Variants in RGS6 observed in about 807,000 individuals in gnomAD.
RGS6 encodes the protein regulator of G protein signaling 6.
In RGS6, 30 loss-of-function variants were observed where a neutral mutation model predicts 78.5. That is an observed-to-expected ratio of 0.38 (90% CI 0.29 to 0.52). The LOEUF (loss-of-function observed/expected upper bound fraction) is 0.52. RGS6 is among the 20% of genes least tolerant of loss of function. The probability of loss-of-function intolerance (pLI) is 0.85; values close to 1 mark genes in which losing one functional copy is unlikely to be tolerated. For synonymous variants in RGS6, 206 were observed against 206.0 expected (o/e 1.00, Z 0.00); for missense variants, 495 against 609.7 (o/e 0.81, Z 1.98).
chr14:71,870,774 C>G, the RGS6 span, among the ~76,000 whole-genome samples: 1 of 152,198 alleles, frequency 6.6e-6, no homozygotes, highest in Non-Finnish European at 1.5e-5. Context: ...GGGCAGCTGC[C>G]AGGGTCTTTT....
At chr14:72,199,551 T>C (rs2041000995) in intron 2 of RGS6, among the ~76,000 whole-genome samples, 1 of 152,228 alleles carries the variant, frequency 6.6e-6, no homozygotes, top group Non-Finnish European at 1.5e-5. Context: ...GAGAAGTTAT[T>C]GGCATGAGAG....
chr14:72,534,630 C>G (rs1219852226), intron 15 of RGS6, among the ~76,000 whole-genome samples: 1 of 152,238 alleles, frequency 6.6e-6, no homozygotes, highest in Non-Finnish European at 1.5e-5. Flanking sequence ...GACTCCATAT[C>G]TTGGCTACTG....
At chr14:72,079,109 A>G (rs1053531553) in intron 2 of RGS6, among the ~76,000 whole-genome samples, 2 of 152,054 alleles carry the variant, frequency 1.3e-5, no homozygotes, top group Non-Finnish European at 2.9e-5. Context: ...AGTGTTTACT[A>G]CTGCATCCAA....
chr14:72,517,204 G>C lies in RGS6; in HGVS notation c.1092-1147G>C, dbSNP rs566262098. Among the ~76,000 whole-genome samples the C allele has an allele frequency of 9.2e-5, 14 of 151,660 alleles. No homozygotes were observed. The South Asian group carries it at 2.9e-3, about 32-fold the overall frequency. On this transcript the variant is annotated intron_variant, in intron 14 of 17. Transcript: ENST00000553525. The stretch of plus-strand genomic sequence containing the variant: ...AATTTGATGACAGATTGAATGCACT[G>C]TCTGCACTTTCCACCACGTCATGTT...
At chr14:72,360,436 G>A (rs2081226701) in intron 3 of RGS6, among the ~76,000 whole-genome samples, 1 of 151,818 alleles carries the variant, frequency 6.6e-6, no homozygotes, top group African/African-American at 2.4e-5. Context: ...GCAGGAGAAT[G>A]GCATGAACCC....
At chr14:71,905,397 CA>C in the RGS6 span, among the ~76,000 whole-genome samples, 1 of 152,150 alleles carries the variant, frequency 6.6e-6, no homozygotes. Context: ...TTGAAAGGGA[CA>C]TAGAATTACT....
chr14:72,005,142 C>T (rs1006522183), intron 2 of RGS6, among the ~76,000 whole-genome samples: 8 of 152,112 alleles, frequency 5.3e-5, no homozygotes, highest in Non-Finnish European at 1.0e-4. Flanking sequence ...CTGGTACATA[C>T]CTATGTACTT....
chr14:72,343,338 A>G (rs146327394), intron 2 of RGS6, among the ~76,000 whole-genome samples: 4 of 152,290 alleles, frequency 2.6e-5, no homozygotes, highest in African/African-American at 9.6e-5. Context: ...TTTCAAAATC[A>G]GTAAAGTCCC....
At chr14:72,380,064 G>GCAAAA (rs61127629) in intron 3 of RGS6, among the ~76,000 whole-genome samples, 79,939 of 149,440 alleles carry the variant, frequency 0.53, 22,016 homozygotes, top group African/African-American at 0.7. Flanking sequence ...ACTCACTGAG[G>GCAAAA]CAAAACAAAA....
intron 15 of RGS6, 52 bp downstream of exon 15, chr14:72,518,589 A>G: frequency 6.5e-7 from 1 of 1,532,314 alleles, no homozygotes; most frequent in Non-Finnish European, 9.0e-7. Context: ...TGTCCCCTTC[A>G]TTGCCTGACC....
intron 1 of RGS6, among the ~76,000 whole-genome samples, chr14:71,944,055 G>A (rs1287521189): frequency 6.6e-6 from 1 of 152,082 alleles, no homozygotes; most frequent in Non-Finnish European, 1.5e-5. Context: ...ATTCCATTGG[G>A]CTTTGGTCGG....
At chr14:71,885,408 G>A in the RGS6 span, among the ~76,000 whole-genome samples, 2 of 152,160 alleles carry the variant, frequency 1.3e-5, no homozygotes, top group Non-Finnish European at 2.9e-5. Context: ...CCTGAGCTGG[G>A]CAGTATTACA....
At chr14:72,003,441 A>G (rs1295297844) in intron 2 of RGS6, among the ~76,000 whole-genome samples, 1 of 152,208 alleles carries the variant, frequency 6.6e-6, no homozygotes, top group East Asian at 1.9e-4. Context: ...ACCTATTTCC[A>G]AAACTTTTTC....
At chr14:72,625,349 G>A in the RGS6 span, among the ~76,000 whole-genome samples, 2 of 150,940 alleles carry the variant, frequency 1.3e-5, no homozygotes, top group African/African-American at 4.9e-5. Context: ...TTATTTTTTT[G>A]CTCAAGTTTT....
At chr14:72,106,276 C>T (rs1341580852) in intron 2 of RGS6, among the ~76,000 whole-genome samples, 1 of 152,120 alleles carries the variant, frequency 6.6e-6, no homozygotes, top group East Asian at 1.9e-4. Flanking sequence ...TAGTTTAATG[C>T]AAAGATTCCC....
At chr14:72,557,230 A>AAG (rs1567129075) in intron 17 of RGS6, among the ~76,000 whole-genome samples, 1 of 152,136 alleles carries the variant, frequency 6.6e-6, no homozygotes, top group East Asian at 1.9e-4. Flanking sequence ...GAGAATTTAA[A>AAG]AAGTGTTTTG....
At chr14:71,980,720 G>T (rs1261726377) in intron 2 of RGS6, among the ~76,000 whole-genome samples, 1 of 80,156 alleles carries the variant, frequency 1.2e-5, no homozygotes, top group Non-Finnish European at 2.5e-5. Flanking sequence ...CAACTTTGGT[G>T]AATCTGACAA....
intron 2 of RGS6, among the ~76,000 whole-genome samples, chr14:72,257,018 T>C (rs1358287088): frequency 6.6e-6 from 1 of 152,212 alleles, no homozygotes; most frequent in Non-Finnish European, 1.5e-5. Context: ...TTAAAACGTT[T>C]TTACATGAAG....
Position 72,502,651 on chromosome 14 carries a change from G to A in RGS6, c.965+7389G>A, listed in dbSNP as rs554220779. The stretch of plus-strand genomic sequence containing the variant: ...TGGTGGCAGGCAGCTGTAATCCCAG[G>A]TACTCGGGAGCCTGAGGCAGGAGAA... On this transcript the variant is annotated intron_variant, in intron 13 of 17. Transcript: ENST00000553525. Among the ~76,000 whole-genome samples, 108 of 152,208 alleles carry A rather than the reference G, an allele frequency of 7.1e-4. 2 individuals carry two copies. The highest frequency in any genetic ancestry group is 9.7e-4 in the East Asian group (5 of 5,172).
Sources: allele counts gnomAD v4.1 joint callset (sites outside exome capture counted in the v4.1 genomes callset), GRCh38; gene constraint gnomAD v4.1.1; transcripts MANE v1.5; gene names NCBI Gene and HGNC (gene_info 2026-07-23, HGNC 2026-07-21).